TRPC5: variants seen among roughly 807,000 people sequenced by gnomAD.
The protein encoded by TRPC5 is short transient receptor potential channel 5.
In TRPC5, 9 loss-of-function variants were observed where a neutral mutation model predicts 56.5. The ratio of observed to expected loss-of-function variants is 0.16; its 90% CI spans 0.10 to 0.28. The LOEUF (loss-of-function observed/expected upper bound fraction) is 0.28. Ranked by LOEUF, TRPC5 falls within the 10% of genes least tolerant of loss-of-function variation. The pLI is 1.00. For missense variants in TRPC5, 469 were observed against 748.9 expected (o/e 0.63, Z 4.36); for synonymous variants, 282 against 278.5 (o/e 1.01, Z -0.13).
intron 7 of TRPC5, among the ~76,000 whole-genome samples, chrX:111,789,661 G>A (rs185127017): frequency 6.2e-5 from 7 of 112,037 alleles, no homozygotes; most frequent in African/African-American, 2.3e-4. Context: ...TGTGCAATCT[G>A]CCCATCTGAC....
intron 3 of TRPC5, chrX:111,902,689 G>T (rs1180372272): frequency 8.9e-6 from 1 of 112,229 alleles, no homozygotes; most frequent in East Asian, 2.8e-4. Flanking sequence ...AAGAAAGCAT[G>T]TGTCCGACAA....
At chrX:111,936,605 T>C (rs1487600348) in intron 2 of TRPC5, among the ~76,000 whole-genome samples, 1 of 103,612 alleles carries the variant, frequency 9.7e-6, no homozygotes, top group Non-Finnish European at 2.0e-5. Context: ...TTTGGTTTTT[T>C]GTTCTTGCGA....
intron 3 of TRPC5, among the ~76,000 whole-genome samples, chrX:111,884,695 C>G (rs1446111627): frequency 8.9e-6 from 1 of 112,861 alleles, no homozygotes; most frequent in Non-Finnish European, 1.9e-5. Flanking sequence ...ATTAAGGCCT[C>G]GTCAGCCCAG....
chrX:111,994,944 A>T (rs1928478936), intron 1 of TRPC5, among the ~76,000 whole-genome samples: 2 of 111,698 alleles, frequency 1.8e-5, no homozygotes, highest in African/African-American at 6.5e-5. Context: ...TTCCTAATTG[A>T]ATACCCTTTA....
intron 2 of TRPC5, among the ~76,000 whole-genome samples, chrX:111,922,676 C>G (rs1484285711): frequency 2.7e-5 from 3 of 111,898 alleles, no homozygotes; most frequent in Non-Finnish European, 5.6e-5. Context: ...CTGGTAAAAA[C>G]AGAAGCATCA....
At chrX:111,862,180 A>G (rs1381934519) in intron 3 of TRPC5, among the ~76,000 whole-genome samples, 1 of 111,738 alleles carries the variant, frequency 8.9e-6, no homozygotes, top group Non-Finnish European at 1.9e-5. Context: ...TTTGACACAG[A>G]AAATTAGGTC....
intron 1 of TRPC5, among the ~76,000 whole-genome samples, chrX:111,983,442 G>T (rs1176419919): frequency 9.0e-6 from 1 of 111,467 alleles, no homozygotes; most frequent in Non-Finnish European, 1.9e-5. Flanking sequence ...CCTCTGTTGA[G>T]GTAACCCTTT....
intron 4 of TRPC5, among the ~76,000 whole-genome samples, chrX:111,853,529 T>G (rs1923141922): frequency 8.9e-6 from 1 of 112,025 alleles, no homozygotes; most frequent in African/African-American, 3.2e-5. Flanking sequence ...ACAGCTTCTC[T>G]GTCCTTGAAG....
chrX:111,806,076 A>G (rs1231029981), intron 7 of TRPC5, among the ~76,000 whole-genome samples: 3 of 112,304 alleles, frequency 2.7e-5, no homozygotes, highest in African/African-American at 9.7e-5. Flanking sequence ...GTATATTAAA[A>G]TTATTAAAAT....
intron 1 of TRPC5, among the ~76,000 whole-genome samples, chrX:112,022,433 G>C (rs1188243337): frequency 1.8e-5 from 2 of 112,025 alleles, no homozygotes; most frequent in Admixed American, 9.4e-5. Flanking sequence ...CTTTATGAGA[G>C]AGGAGAGTTT....
At chrX:111,925,266 A>C (rs1255758682) in intron 2 of TRPC5, among the ~76,000 whole-genome samples, 1 of 112,460 alleles carries the variant, frequency 8.9e-6, no homozygotes, top group African/African-American at 3.2e-5. Context: ...GCTCAGCTCC[A>C]TGGGCCTTTC....
chrX:112,080,391 TACATACACAC>T (rs1488592876), intron 1 of TRPC5, among the ~76,000 whole-genome samples: 58 of 82,008 alleles, frequency 7.1e-4, no homozygotes, highest in African/African-American at 2.8e-3. Flanking sequence ...CTTGAAAAAC[TACATACACAC>T]ACACACACAC....
At chrX:112,008,317 C>T (rs1005278734) in intron 1 of TRPC5, among the ~76,000 whole-genome samples, 2 of 111,715 alleles carry the variant, frequency 1.8e-5, no homozygotes, top group Admixed American at 9.5e-5. Context: ...GATGGCTGGG[C>T]GCGGTGGCTC....
At chrX:112,046,184 G>A (rs116092521) in intron 1 of TRPC5, among the ~76,000 whole-genome samples, 2,054 of 99,072 alleles carry the variant, frequency 0.021, 18 homozygotes, top group African/African-American at 0.027. Flanking sequence ...CCCGTCTACC[G>A]CCACCCCCAC....
At chrX:111,930,526 G>A (rs772795380) in intron 2 of TRPC5, among the ~76,000 whole-genome samples, 4 of 110,870 alleles carry the variant, frequency 3.6e-5, no homozygotes, top group South Asian at 3.9e-4. Flanking sequence ...GCTTGAACCC[G>A]GGAGGCTGGG....
chrX:111,792,937 A>G (rs1946034039), intron 7 of TRPC5, among the ~76,000 whole-genome samples: 1 of 111,848 alleles, frequency 8.9e-6, no homozygotes, highest in Non-Finnish European at 1.9e-5. Flanking sequence ...CACAATTTCA[A>G]TGGCAAATGG....
intron 1 of TRPC5, among the ~76,000 whole-genome samples, chrX:112,030,872 T>G (rs1929569752): frequency 8.9e-6 from 1 of 111,758 alleles, no homozygotes; most frequent in African/African-American, 3.3e-5. Context: ...GTACCCACTG[T>G]GTGCCCAGCT....
At chrX:111,981,484 C>T (rs1928081141) in intron 1 of TRPC5, among the ~76,000 whole-genome samples, 1 of 111,829 alleles carries the variant, frequency 8.9e-6, no homozygotes, top group African/African-American at 3.2e-5. Flanking sequence ...TAACATCTGA[C>T]TAAATATCTT....
At chrX:111,927,425 G>T (rs1297604960) in intron 2 of TRPC5, among the ~76,000 whole-genome samples, 1 of 112,368 alleles carries the variant, frequency 8.9e-6, no homozygotes, top group Admixed American at 9.4e-5. Flanking sequence ...CCAGCATCTT[G>T]TGTGATTTGA....
Sources: gnomAD v4.1 joint callset for allele counts (sites outside exome capture counted in the v4.1 genomes callset) on GRCh38, gnomAD v4.1.1 for gene constraint, MANE v1.5 for transcripts, NCBI Gene and HGNC (gene_info 2026-07-23, HGNC 2026-07-21) for gene names.